MBP: variants seen among roughly 807,000 people sequenced by gnomAD.
The protein encoded by MBP is myelin basic protein, also known as Golli-MBP.
In MBP, 16 loss-of-function variants were observed where a neutral mutation model predicts 35.8. The ratio of observed to expected loss-of-function variants is 0.45; its 90% CI spans 0.30 to 0.68. The LOEUF is 0.68. Among genes scored for constraint, MBP ranks in the 30% least tolerant of loss-of-function variants. MBP has a pLI of 0.08. For synonymous variants in MBP, 143 were observed against 159.6 expected (o/e 0.90, Z 0.78); for missense variants, 380 against 404.7 (o/e 0.94, Z 0.52).
chr18:77,116,735 T>G (rs1225372653), intron 1 of MBP, among the ~76,000 whole-genome samples: 2 of 152,152 alleles, frequency 1.3e-5, no homozygotes, highest in Non-Finnish European at 2.9e-5. Context: ...GGTGCATGCC[T>G]GTAATCCCAG....
chr18:77,026,869 A>G (rs528454429), intron 3 of MBP, among the ~76,000 whole-genome samples: 3 of 152,320 alleles, frequency 2.0e-5, no homozygotes, highest in South Asian at 4.1e-4. Flanking sequence ...CCGTCTCTAA[A>G]TAAATACATA....
chr18:77,065,279 C>G (rs558348907), intron 3 of MBP, among the ~76,000 whole-genome samples: 1 of 152,110 alleles, frequency 6.6e-6, no homozygotes, highest in African/African-American at 2.4e-5. Flanking sequence ...TGTGCCATGA[C>G]GTGGTGGGTG....
chr18:76,998,159 C>T (rs1313956257), intron 4 of MBP, among the ~76,000 whole-genome samples: 1 of 152,232 alleles, frequency 6.6e-6, no homozygotes, highest in South Asian at 2.1e-4. Context: ...ACCTGGCCCC[C>T]ATGAAACACT....
chr18:77,028,847 C>T lies in MBP; in HGVS notation c.140-11579G>A, dbSNP rs1290473952. On this transcript the variant is annotated intron_variant, in intron 3 of 8. Transcript: ENST00000355994. ...CCGGGCAGAGACGCTCCTCACTTCC[C>T]AGATGTGATGGCGGCCGGGCAGAGG... 2.6e-4 allele frequency among the ~76,000 whole-genome samples: 25 copies of T among 94,476 alleles called. 7 individuals carry two copies. Among genetic ancestry groups the T allele is most frequent in the Non-Finnish European group, 5.7e-4 (24 of 41,986 alleles). The allele number at this position is 94,476 out of a possible 152,430, so 62.0% of individuals were successfully genotyped here. A position where few individuals can be genotyped will look rare whatever the true frequency, so the allele number is the denominator to read the frequency against.
chr18:77,098,260 GCACCA>G (rs200560034), intron 2 of MBP, among the ~76,000 whole-genome samples: 1,541 of 148,988 alleles, frequency 0.01, 24 homozygotes, highest in African/African-American at 0.037. Context: ...ACAAGGGGGT[GCACCA>G]CACATGTGGA....
intron 4 of MBP, chr18:77,013,341 G>T: frequency 1.0e-6 from 1 of 985,456 alleles, no homozygotes; most frequent in Non-Finnish European, 1.2e-6. Flanking sequence ...GTGTGTTGCT[G>T]CTGCCTTCCG....
chr18:77,033,576 C>G (rs968140113), intron 3 of MBP, among the ~76,000 whole-genome samples: 1 of 152,062 alleles, frequency 6.6e-6, no homozygotes, highest in Admixed American at 6.5e-5. Context: ...ATCATTTACC[C>G]GTCCACATAT....
At chr18:77,057,234 C>A (rs920146329) in intron 3 of MBP, among the ~76,000 whole-genome samples, 1 of 152,196 alleles carries the variant, frequency 6.6e-6, no homozygotes, top group Non-Finnish European at 1.5e-5. Context: ...GAACCAGCTG[C>A]GGTCTCCCTG....
intron 2 of MBP, among the ~76,000 whole-genome samples, chr18:77,072,389 T>C (rs555746951): frequency 6.6e-6 from 1 of 152,286 alleles, no homozygotes; most frequent in African/African-American, 2.4e-5. Context: ...GGCATCAGGA[T>C]CTGCAACACA....
At chr18:77,090,914 G>A (rs1483125352) in intron 2 of MBP, among the ~76,000 whole-genome samples, 1 of 152,250 alleles carries the variant, frequency 6.6e-6, no homozygotes, top group African/African-American at 2.4e-5. Flanking sequence ...GGACGGGGCA[G>A]AAGGGAGGAA....
intron 1 of MBP, among the ~76,000 whole-genome samples, chr18:77,132,176 C>A (rs1013727281): frequency 6.6e-6 from 1 of 152,136 alleles, no homozygotes; most frequent in Non-Finnish European, 1.5e-5. Flanking sequence ...CCCCACGGCC[C>A]GAGGCCGAGC....
At position 76,988,557 on chromosome 18, in the gene MBP, A is replaced by G. The variant is rs768158566; in HGVS notation, c.718-30T>C. ...ATGAGGAAGACAGAGAAATAATGAC[A>G]TGGTGGTCAGTGAAGGGAAAGTCCT... is the stretch of plus-strand genomic sequence containing the variant. On this transcript the variant is annotated intron_variant, in intron 6 of 8. Coordinates refer to ENST00000355994, the MANE Select transcript of MBP (RefSeq NM_001025101.2). This position sits in a 1 kb window ranked among gnomAD's most constrained non-coding sequence, Gnocchi z 5.2. The G allele has an allele frequency of 6.2e-7, 1 of 1,603,258 alleles. No homozygotes were observed. Among genetic ancestry groups the G allele is most frequent in the South Asian group, 1.1e-5 (1 of 89,868 alleles).
intron 4 of MBP, among the ~76,000 whole-genome samples, chr18:77,007,655 C>T (rs3794837): frequency 0.011 from 1,698 of 152,308 alleles, 104 homozygotes; most frequent in Admixed American, 0.09. Context: ...CAAACACACA[C>T]GCACACACAC....
intron 7 of MBP, chr18:76,986,118 T>G (rs1599465969): frequency 1.0e-6 from 1 of 985,508 alleles, no homozygotes; most frequent in Non-Finnish European, 1.2e-6. Context: ...CCACGGTGGG[T>G]GCACTGTCTG....
At chr18:77,126,279 C>T (rs146870062) in intron 1 of MBP, among the ~76,000 whole-genome samples, 23 of 152,306 alleles carry the variant, frequency 1.5e-4, no homozygotes, top group African/African-American at 5.3e-4. Flanking sequence ...GAGAGTCAGT[C>T]AATCAACTAT....
intron 4 of MBP, chr18:77,015,046 T>C (rs1971551183): frequency 1.0e-6 from 1 of 982,878 alleles, no homozygotes; most frequent in African/African-American, 1.7e-5. Flanking sequence ...TTTGAAAATA[T>C]TGAAGAGTAT....
chr18:77,058,464 A>G (rs1283452522), intron 3 of MBP, among the ~76,000 whole-genome samples: 4 of 152,122 alleles, frequency 2.6e-5, no homozygotes. Flanking sequence ...GGCAGACCCC[A>G]GCCCCAGGCA....
intron 3 of MBP, among the ~76,000 whole-genome samples, chr18:77,025,203 A>G (rs1393640220): frequency 1.3e-5 from 2 of 152,180 alleles, no homozygotes; most frequent in Admixed American, 1.3e-4. Flanking sequence ...GTCTGACACC[A>G]GCCCTTCTCC....
Position 77,116,044 on chromosome 18 carries a change from C to G in MBP, c.-25-10758G>C, listed in dbSNP as rs909080027. Among the ~76,000 whole-genome samples the G allele has an allele frequency of 4.2e-5, 6 of 143,454 alleles. 1 individual carries two copies. In the South Asian group the frequency reaches 1.4e-3, roughly 33 times the overall value. The allele number at this position is 143,454 out of a possible 152,430, so 94.1% of individuals were successfully genotyped here. ...CCTTCTGGAACTTTCCAGAGTCTTC[C>G]AGGTTCTAATCAAGGAAAATAAGGC... On this transcript the variant is annotated intron_variant, in intron 1 of 8. Transcript: ENST00000355994.
Sources: allele counts gnomAD v4.1 joint callset (sites outside exome capture counted in the v4.1 genomes callset), GRCh38; gene constraint gnomAD v4.1.1; non-coding constraint Gnocchi (gnomAD v3.1); transcripts MANE v1.5; gene names NCBI Gene and HGNC (gene_info 2026-07-23, HGNC 2026-07-21).